The following NCKAP5 variants were observed in gnomAD, a reference collection of about 807,000 sequenced individuals.
NCKAP5 encodes the protein NCK associated protein 5.
Under a neutral mutation model 167.0 loss-of-function variants are expected in NCKAP5, and 92 were observed. The observed-to-expected ratio is 0.55, with a 90% CI of 0.47 to 0.66. NCKAP5 has a LOEUF of 0.66. Ranked by LOEUF, NCKAP5 falls within the 30% of genes least tolerant of loss-of-function variation. NCKAP5 has a pLI of 0.00. For synonymous variants in NCKAP5, 891 were observed against 877.4 expected (o/e 1.02, Z -0.27); for missense variants, 2,378 against 2,315.0 (o/e 1.03, Z -0.56).
chr2:132,871,193 A>G (rs1690784754), intron 9 of NCKAP5, among the ~76,000 whole-genome samples: 1 of 152,310 alleles, frequency 6.6e-6, no homozygotes, highest in Admixed American at 6.5e-5. Flanking sequence ...ATGTTATCCA[A>G]CCCACACAAA....
intron 5 of NCKAP5, among the ~76,000 whole-genome samples, chr2:133,177,804 A>G (rs2084535968): frequency 6.6e-6 from 1 of 152,186 alleles, no homozygotes; most frequent in South Asian, 2.1e-4. Context: ...AGTGGAGACC[A>G]CCTGGGAAGT....
chr2:133,663,454 CTT>C, the NCKAP5 span, among the ~76,000 whole-genome samples: 1 of 152,178 alleles, frequency 6.6e-6, no homozygotes, highest in East Asian at 1.9e-4. Flanking sequence ...CATTGACTGA[CTT>C]TTCATGGAAG....
At chr2:133,425,412 A>AG (rs1285820084) in intron 3 of NCKAP5, among the ~76,000 whole-genome samples, 3 of 152,168 alleles carry the variant, frequency 2.0e-5, no homozygotes, top group Admixed American at 6.5e-5. Context: ...GAAAGTAATC[A>AG]GGGGGGTAGT....
chr2:133,227,104 A>G (rs2086927399), intron 4 of NCKAP5, among the ~76,000 whole-genome samples: 1 of 152,224 alleles, frequency 6.6e-6, no homozygotes, highest in Non-Finnish European at 1.5e-5. Flanking sequence ...TAAGAGCACA[A>G]AAGTCAGATG....
At chr2:132,956,960 C>T (rs2076362507) in intron 8 of NCKAP5, among the ~76,000 whole-genome samples, 1 of 152,166 alleles carries the variant, frequency 6.6e-6, no homozygotes, top group Admixed American at 6.5e-5. Context: ...AAATGGGGAA[C>T]CTTAGAACTC....
intron 2 of NCKAP5, among the ~76,000 whole-genome samples, chr2:133,547,916 G>A (rs1313150941): frequency 5.5e-5 from 8 of 146,710 alleles, no homozygotes; most frequent in African/African-American, 1.0e-4. Context: ...GGCTTCAGAC[G>A]ATCAAATTAC....
chr2:133,189,635 C>T (rs1345408139), intron 5 of NCKAP5, among the ~76,000 whole-genome samples: 1 of 152,154 alleles, frequency 6.6e-6, no homozygotes, highest in Non-Finnish European at 1.5e-5. Context: ...TCAACAGAGG[C>T]AAATCAATAA....
chr2:133,235,230 G>A (rs2087344756), intron 4 of NCKAP5, among the ~76,000 whole-genome samples: 1 of 152,012 alleles, frequency 6.6e-6, no homozygotes, highest in Non-Finnish European at 1.5e-5. Context: ...TGCCTTCACT[G>A]TCCCTTGCAG....
chr2:133,517,778 C>T (rs1360135225), intron 2 of NCKAP5, among the ~76,000 whole-genome samples, 191 bp from the exon 3 acceptor site: 2 of 152,146 alleles, frequency 1.3e-5, no homozygotes, highest in Non-Finnish European at 2.9e-5. Flanking sequence ...TATGGCGGCC[C>T]CTGTGTTTTT....
At chr2:133,312,464 G>T (rs1197775917) in intron 3 of NCKAP5, among the ~76,000 whole-genome samples, 1 of 152,190 alleles carries the variant, frequency 6.6e-6, no homozygotes, top group East Asian at 1.9e-4. Flanking sequence ...AGTCTCCTGT[G>T]CTTCTTGGGG....
chr2:133,218,122 T>C (rs540958814), intron 4 of NCKAP5, among the ~76,000 whole-genome samples: 1 of 152,230 alleles, frequency 6.6e-6, no homozygotes, highest in East Asian at 1.9e-4. Context: ...TATCTATTGA[T>C]ATTTATGACA....
At chr2:133,344,891 A>G (rs1037724403) in intron 3 of NCKAP5, among the ~76,000 whole-genome samples, 2 of 152,046 alleles carry the variant, frequency 1.3e-5, no homozygotes, top group South Asian at 2.1e-4. Flanking sequence ...TCAAGCAGGT[A>G]GCGGGATATG....
chr2:133,107,816 T>C (rs1288648092), intron 6 of NCKAP5, among the ~76,000 whole-genome samples: 2 of 152,262 alleles, frequency 1.3e-5, no homozygotes, highest in Non-Finnish European at 2.9e-5. Flanking sequence ...GTCTTATTTC[T>C]GCCCATCATG....
At chr2:133,405,105 T>A (rs1360190458) in intron 3 of NCKAP5, among the ~76,000 whole-genome samples, 1 of 152,208 alleles carries the variant, frequency 6.6e-6, no homozygotes, top group Non-Finnish European at 1.5e-5. Context: ...ATTGCCAACA[T>A]TGAATTAGCA....
rs190181519 is a variant in NCKAP5 at position 132,846,720 on chromosome 2, A to C, written c.807+13772T>G. Among the ~76,000 whole-genome samples, 179 of 152,272 alleles carry C rather than the reference A, an allele frequency of 1.2e-3. 1 individual carries two copies. The highest frequency in any genetic ancestry group is 4.0e-3 in the African/African-American group (165 of 41,562). ...AAAAAGGATCCCTGGTTCTTGCCAAATCCTTCATTTTACCTACTGAGACCT... is the reference window on the plus strand; with the variant it reads ...AAAAAGGATCCCTGGTTCTTGCCAACTCCTTCATTTTACCTACTGAGACCT... On this transcript the variant is annotated intron_variant, in intron 11 of 19. Coordinates refer to ENST00000409261, the MANE Select transcript of NCKAP5 (RefSeq NM_207363.3).
At chr2:133,470,545 C>T (rs561758627) in intron 3 of NCKAP5, among the ~76,000 whole-genome samples, 3,156 of 152,290 alleles carry the variant, frequency 0.021, 121 homozygotes, top group African/African-American at 0.072. Context: ...CCACCCAGTT[C>T]GAGCTTCCTG....
Position 133,518,907 on chromosome 2 carries a change from A to G in NCKAP5, c.-61-1320T>C, listed in dbSNP as rs576484774. On this transcript the variant is annotated intron_variant, in intron 2 of 19. Transcript: ENST00000409261. The stretch of plus-strand genomic sequence containing the variant: ...GATGATTCAGAAGGTGCTTTGAGAT[A>G]TAGAAATTGCTCATAATCCTTGTAA... Among the ~76,000 whole-genome samples, 18 of 152,358 alleles carry G rather than the reference A, an allele frequency of 1.2e-4. 1 individual carries two copies. The South Asian group carries it at 3.7e-3, about 32-fold the overall frequency.
chr2:132,701,658 C>T (rs1036056731), intron 19 of NCKAP5, among the ~76,000 whole-genome samples: 2 of 152,050 alleles, frequency 1.3e-5, no homozygotes, highest in African/African-American at 4.8e-5. Flanking sequence ...ATATGCCAGA[C>T]ACATATAAAG....
At chr2:133,152,137 T>C (rs184991840) in intron 5 of NCKAP5, among the ~76,000 whole-genome samples, 25 of 152,334 alleles carry the variant, frequency 1.6e-4, no homozygotes, top group African/African-American at 5.8e-4. Flanking sequence ...CTCTGTTTAC[T>C]TAAAGCAGAA....
Sources: gnomAD v4.1 joint callset for allele counts (sites outside exome capture counted in the v4.1 genomes callset) on GRCh38, gnomAD v4.1.1 for gene constraint, MANE v1.5 for transcripts, NCBI Gene and HGNC (gene_info 2026-07-23, HGNC 2026-07-21) for gene names.